Variants in CMIP observed in about 807,000 individuals in gnomAD.
CMIP encodes C-Maf-inducing protein.
In CMIP, 13 loss-of-function variants were observed where a neutral mutation model predicts 97.3. The ratio of observed to expected loss-of-function variants is 0.13; its 90% CI spans 0.09 to 0.21. CMIP has a LOEUF of 0.21. Among genes scored for constraint, CMIP ranks in the 10% least tolerant of loss-of-function variants. The pLI, the probability that CMIP is intolerant of heterozygous loss-of-function variation, is 1.00. For missense variants in CMIP, 847 were observed against 1,024.9 expected (o/e 0.83, Z 2.37); for synonymous variants, 538 against 436.3 (o/e 1.23, Z -2.91).
At chr16:81,460,592 C>G (rs1345113764) in intron 1 of CMIP, among the ~76,000 whole-genome samples, 2 of 152,166 alleles carry the variant, frequency 1.3e-5, no homozygotes, top group African/African-American at 4.8e-5. Flanking sequence ...TTGTGCTTCC[C>G]CTGTACGCTG....
intron 3 of CMIP, among the ~76,000 whole-genome samples, chr16:81,637,572 G>A (rs974190189): frequency 1.3e-5 from 2 of 152,196 alleles, no homozygotes; most frequent in East Asian, 1.9e-4. Flanking sequence ...AGGCTGCACA[G>A]CTCATAAGAA....
Position 81,671,971 on chromosome 16 carries a change from A to G in CMIP, c.935A>G (p.His312Arg). ...AGCCCTCTGCTTTTTTCCAGCATGC[A>G]CGGCCCCACAGGGCACTGCCCCCAC... The part of the protein sequence containing the change: ...EVVKKFIQSM[H>R]GPTGHCPHPR... The change falls in exon 9 of 21, where the codon CAC (histidine) becomes CGC (arginine). Residue 312 changes from histidine (H) to arginine (R), a missense_variant. By Grantham distance (29) the His-to-Arg change is conservative. Around this residue, in one of 4 missense-constraint regions of CMIP, gnomAD observed 285 missense variants for 392.2 expected, o/e 0.73. Coordinates refer to ENST00000537098, the MANE Select transcript of CMIP (RefSeq NM_198390.3). 6.3e-7 allele frequency: 1 copy of G among 1,575,346 alleles called. No homozygotes were observed. The highest frequency in any genetic ancestry group is 1.2e-5 in the South Asian group (1 of 86,746).
chr16:81,682,663 A>C (rs964977853), intron 10 of CMIP, among the ~76,000 whole-genome samples: 1 of 152,124 alleles, frequency 6.6e-6, no homozygotes, highest in Non-Finnish European at 1.5e-5. Context: ...AGCGAACCAC[A>C]TCCATCGGAG....
intron 7 of CMIP, chr16:81,664,633 G>A (rs1476388590): frequency 1.7e-6 from 1 of 577,054 alleles, no homozygotes; most frequent in Non-Finnish European, 3.1e-6. Context: ...CCCAAATAAT[G>A]TCTGTAGATG....
chr16:81,620,674 G>A (rs570055091), intron 2 of CMIP: 19 of 573,404 alleles, frequency 3.3e-5, no homozygotes, highest in Non-Finnish European at 5.3e-5. Flanking sequence ...CTTGTTTTTA[G>A]GAAATCCTCC....
intron 6 of CMIP, 83 bp downstream of exon 6, chr16:81,661,029 A>C: frequency 6.4e-7 from 1 of 1,564,686 alleles, no homozygotes; most frequent in Non-Finnish European, 8.8e-7. Flanking sequence ...TTGCACAGAA[A>C]GGCCAAAAAC....
chr16:81,540,311 C>A (rs1197574158), intron 1 of CMIP, among the ~76,000 whole-genome samples: 1 of 152,182 alleles, frequency 6.6e-6, no homozygotes, highest in African/African-American at 2.4e-5. Context: ...GTGAGATGGG[C>A]TTGCTCACCC....
intron 1 of CMIP, among the ~76,000 whole-genome samples, chr16:81,507,907 G>C (rs558289957): frequency 1.3e-5 from 2 of 152,322 alleles, no homozygotes; most frequent in Admixed American, 6.5e-5. Context: ...TGGGACACTG[G>C]CCCAGCCTGC....
At chr16:81,581,906 A>G (rs2091302659) in intron 1 of CMIP, among the ~76,000 whole-genome samples, 1 of 152,130 alleles carries the variant, frequency 6.6e-6, no homozygotes, top group Non-Finnish European at 1.5e-5. Flanking sequence ...AATACCTGAG[A>G]CTGGGTAATT....
chr16:81,561,618 C>G (rs1457051574), intron 1 of CMIP, among the ~76,000 whole-genome samples: 1 of 152,078 alleles, frequency 6.6e-6, no homozygotes, highest in Non-Finnish European at 1.5e-5. Flanking sequence ...ACAATTGCCC[C>G]GGCCTTGAGT....
chr16:81,596,505 T>TC (rs2091559006), intron 1 of CMIP, among the ~76,000 whole-genome samples: 3 of 82,280 alleles, frequency 3.6e-5, no homozygotes, highest in Non-Finnish European at 6.4e-5. Context: ...AGGCCCTGTC[T>TC]CAAAAAAAAA....
intron 6 of CMIP, among the ~76,000 whole-genome samples, chr16:81,661,450 A>G (rs1312000141): frequency 6.6e-6 from 1 of 152,264 alleles, no homozygotes; most frequent in Non-Finnish European, 1.5e-5. Context: ...TTTGTGGCTC[A>G]GGCCGAACCA....
At chr16:81,701,877 G>C in intron 16 of CMIP, 77 bp downstream of exon 16, 1 of 1,571,922 alleles carries the variant, frequency 6.4e-7, no homozygotes, top group Non-Finnish European at 8.7e-7. Context: ...GGGGCAGCTA[G>C]TACTTGGACC....
rs1374818030 is a variant in CMIP at position 81,476,072 on chromosome 16, C to T, written c.300+30531C>T. The T allele has an allele frequency of 4.0e-6, 3 of 743,400 alleles. No homozygotes were observed. The East Asian group carries it at 7.8e-5, about 19-fold the overall frequency. 46.1% of individuals were successfully genotyped at this position (743,400 alleles called of 1,614,324 possible). On this transcript the variant is annotated intron_variant, in intron 1 of 20. Transcript: ENST00000537098. The stretch of plus-strand genomic sequence containing the variant: ...AATAGTGATCTTCTTGCTGGTCTTG[C>T]CATTCCTGGACCCAAAGTGCTCCAT...
intron 1 of CMIP, among the ~76,000 whole-genome samples, chr16:81,460,444 G>C (rs78845295): frequency 6.6e-6 from 1 of 152,168 alleles, no homozygotes; most frequent in Admixed American, 6.5e-5. Flanking sequence ...AAATACATGG[G>C]GGAGAAATGA....
chr16:81,550,090 T>A (rs749312682), intron 1 of CMIP, among the ~76,000 whole-genome samples: 8 of 152,206 alleles, frequency 5.3e-5, no homozygotes, highest in Non-Finnish European at 1.2e-4. Flanking sequence ...ACCCCACCCC[T>A]ATGGCTGTAG....
intron 1 of CMIP, 110 bp downstream of exon 1, chr16:81,445,651 G>T (rs1905785262): frequency 8.4e-7 from 1 of 1,194,828 alleles, no homozygotes; most frequent in Admixed American, 2.6e-5. Context: ...GGGGGCGGTG[G>T]GGGGTGCCGG....
intron 1 of CMIP, among the ~76,000 whole-genome samples, chr16:81,479,063 C>A (rs1224721097): frequency 6.6e-6 from 1 of 152,164 alleles, no homozygotes; most frequent in Non-Finnish European, 1.5e-5. Flanking sequence ...AAAGTGTGCA[C>A]CAGCTCTTTA....
At chr16:81,452,705 C>T (rs193230263) in intron 1 of CMIP, among the ~76,000 whole-genome samples, 1 of 152,162 alleles carries the variant, frequency 6.6e-6, no homozygotes, top group Non-Finnish European at 1.5e-5. Flanking sequence ...GCACCTGGTA[C>T]ATGTTCTATG....
Sources: gnomAD v4.1 joint callset for allele counts (sites outside exome capture counted in the v4.1 genomes callset) on GRCh38, gnomAD v4.1.1 for gene constraint, gnomAD v4.1.1 regional missense constraint, MANE v1.5 for transcripts, NCBI Gene and HGNC (gene_info 2026-07-23, HGNC 2026-07-21) for gene names.